Variants in WAC observed in about 807,000 individuals in gnomAD.
WAC encodes the protein WW domain-containing adapter protein with coiled-coil.
Under a neutral mutation model 79.6 loss-of-function variants are expected in WAC, and 11 were observed. The ratio of observed to expected loss-of-function variants is 0.14; its 90% CI spans 0.09 to 0.23. The LOEUF is 0.23. WAC is among the 10% of genes least tolerant of loss of function. The pLI is 1.00. For missense variants in WAC, 728 were observed against 773.5 expected, an observed-to-expected ratio of 0.94 and a Z score of 0.70; for synonymous variants, 304 against 276.9, an observed-to-expected ratio of 1.10 and a Z score of -0.97.
rs141792248 is a variant in WAC, at chr10:28,610,805, T to C, written c.1272T>C (p.Ala424=). The stretch of plus-strand genomic sequence containing the variant: ...TAACGTCTCTGATTTCTCAAGCTGC[T>C]CAGCTCTCTACACAAGGTATTCTTA... ...FNITSLISQA[A]QLSTQAQPSN... is the part of the protein sequence containing the mutation. Residue 424 remains alanine (A), a synonymous_variant, in exon 9 of 14, where the codon GCT becomes GCC. Coordinates refer to ENST00000354911, the MANE Select transcript of WAC (RefSeq NM_016628.5). The C allele has an allele frequency of 3.7e-5, 59 of 1,610,570 alleles. No homozygotes were observed. The highest frequency in any genetic ancestry group is 4.8e-5 in the Non-Finnish European group (57 of 1,179,114).
intron 4 of WAC, 75 bp from the exon 5 acceptor site, chr10:28,589,661 T>G: frequency 1.1e-6 from 1 of 942,074 alleles, no homozygotes. Flanking sequence ...CCTGTATGTG[T>G]GCTTTGATGT....
chr10:28,533,732 C>A, intron 1 of WAC, 112 bp downstream of exon 1: 2 of 1,062,700 alleles, frequency 1.9e-6, no homozygotes, highest in African/African-American at 1.7e-5. Context: ...AACCCTGATC[C>A]GGATCGGGTT....
intron 8 of WAC, 82 bp from the exon 9 acceptor site, chr10:28,610,617 A>C: frequency 7.3e-7 from 1 of 1,378,284 alleles, no homozygotes; most frequent in South Asian, 1.7e-5. Flanking sequence ...GTTTCTTGTG[A>C]GTTCTCTTCC....
intron 7 of WAC, among the ~76,000 whole-genome samples, chr10:28,600,268 AGTC>A (rs151034924): frequency 0.023 from 3,428 of 152,250 alleles, 141 homozygotes; most frequent in African/African-American, 0.077. Flanking sequence ...AGGACAGACT[AGTC>A]GTTTTAATAT....
At chr10:28,615,976 GT>G (rs1411152666) in intron 11 of WAC, 196 bp from the exon 12 acceptor site, 14 of 458,652 alleles carry the variant, frequency 3.1e-5, no homozygotes, top group African/African-American at 5.9e-5. Flanking sequence ...TGTTAAAAGG[GT>G]TTTTTCCCCC....
chr10:28,619,640 G>A lies in WAC; in HGVS notation c.*34G>A. On this transcript the variant is annotated 3_prime_UTR_variant, in exon 14 of 14. Coordinates refer to ENST00000354911, the MANE Select transcript of WAC (RefSeq NM_016628.5). ...ATAATTGCACATGGTTTTGAGAACA[G>A]GAACTGTAAATCTGTTGCCCAATCT... 6.5e-7 allele frequency: 1 copy of A among 1,537,980 alleles called. No individual in the cohort carries two copies. The highest frequency in any genetic ancestry group is 1.2e-5 in the South Asian group (1 of 81,594).
intron 6 of WAC, among the ~76,000 whole-genome samples, chr10:28,594,787 G>A (rs1225010637): frequency 4.6e-5 from 7 of 152,272 alleles, no homozygotes; most frequent in Admixed American, 3.3e-4. Context: ...ATTTTAGGTC[G>A]TTTCTCTCCT....
At chr10:28,535,529 T>C (rs1354402593) in intron 2 of WAC, 33 bp from the exon 3 acceptor site, 2 of 1,527,836 alleles carry the variant, frequency 1.3e-6, no homozygotes, top group South Asian at 2.5e-5. Context: ...TTCAATTCTT[T>C]CTCTCTTTTT....
At chr10:28,542,613 A>G (rs891437943) in intron 3 of WAC, among the ~76,000 whole-genome samples, 1 of 152,212 alleles carries the variant, frequency 6.6e-6, no homozygotes, top group Non-Finnish European at 1.5e-5. Context: ...GAATTACTGT[A>G]AAGTGATGGA....
chr10:28,533,591 T>C lies in WAC; in HGVS notation c.12T>C (p.Tyr4=). 6.3e-7 allele frequency: 1 copy of C among 1,590,726 alleles called. No homozygotes were observed. The highest frequency in any genetic ancestry group is 8.6e-7 in the Non-Finnish European group (1 of 1,168,522). MVM[Y]ARKQQRLSDG... is the part of the protein sequence containing the mutation. ...CAGGCCGGGCATTGATGGTAATGTA[T>C]GCGAGGAAACAGCAGAGACTCAGTG... Residue 4 remains tyrosine (Y), a synonymous_variant, in exon 1 of 14, where the codon TAT becomes TAC. Coordinates refer to ENST00000354911, the MANE Select transcript of WAC (RefSeq NM_016628.5).
chr10:28,534,179 C>A (rs1402581579), intron 2 of WAC, 145 bp downstream of exon 2: 4 of 805,810 alleles, frequency 5.0e-6, no homozygotes, highest in Non-Finnish European at 7.4e-6. Flanking sequence ...CCTTAAAATT[C>A]CAGGTTTGGT....
intron 12 of WAC, among the ~76,000 whole-genome samples, chr10:28,617,345 C>A (rs1344364257): frequency 6.6e-6 from 1 of 152,196 alleles, no homozygotes; most frequent in East Asian, 1.9e-4. Context: ...AAATGACAAT[C>A]TCTTTGGCTG....
intron 7 of WAC, among the ~76,000 whole-genome samples, chr10:28,596,397 A>G (rs576594484): frequency 6.6e-6 from 1 of 151,662 alleles, no homozygotes; most frequent in Non-Finnish European, 1.5e-5. Flanking sequence ...TTTTCTCTTA[A>G]TACTTAATAT....
At chr10:28,604,535 C>T (rs1001531824) in intron 7 of WAC, among the ~76,000 whole-genome samples, 2 of 152,096 alleles carry the variant, frequency 1.3e-5, no homozygotes, top group Non-Finnish European at 2.9e-5. Context: ...AGTTCGAGAC[C>T]AGCTTGGCCA....
intron 3 of WAC, among the ~76,000 whole-genome samples, chr10:28,572,439 A>C (rs1839025282): frequency 6.6e-6 from 1 of 152,052 alleles, no homozygotes; most frequent in Admixed American, 6.5e-5. Flanking sequence ...TGTGACATTT[A>C]AGCTGAGAAA....
At chr10:28,582,891 C>CT (rs561089054) in intron 3 of WAC, among the ~76,000 whole-genome samples, 253 of 152,244 alleles carry the variant, frequency 1.7e-3, no homozygotes, top group African/African-American at 5.8e-3. Context: ...CCCTGAGACT[C>CT]TTTAACTTCT....
chr10:28,618,620 A>T (rs1282520879), intron 13 of WAC, among the ~76,000 whole-genome samples: 1 of 152,230 alleles, frequency 6.6e-6, no homozygotes, highest in African/African-American at 2.4e-5. Flanking sequence ...ATACAGTCAA[A>T]TATCAAGCCA....
rs1418293534 is a variant in WAC at position 28,621,837 on chromosome 10, A to ATAT, written c.*2233_*2235dup. 6.6e-6 allele frequency: 1 copy of ATAT among 152,168 alleles called. No individual in the cohort carries two copies. The highest frequency in any genetic ancestry group is 1.5e-5 in the Non-Finnish European group (1 of 68,028). 9.4% of individuals were successfully genotyped at this position (152,168 alleles called of 1,614,324 possible). On this transcript the variant is annotated 3_prime_UTR_variant, in exon 14 of 14. Transcript: ENST00000354911. ...ACATCCCTAAATGAATTAGTCACAT[A>ATAT]TATTTAGGAGAAGATGCCTAATTTG...
In WAC at chr10:28,533,571, C is replaced by G. The variant is rs374502180; in HGVS notation, c.-9C>G. 3 of 1,563,188 alleles carry G rather than the reference C, an allele frequency of 1.9e-6. No individual in the cohort carries two copies. The highest frequency in any genetic ancestry group is 2.5e-5 in the East Asian group (1 of 39,888). On this transcript the variant is annotated 5_prime_UTR_variant, in exon 1 of 14. Coordinates refer to ENST00000354911, the MANE Select transcript of WAC (RefSeq NM_016628.5). ...CCCTCCCCGACACACACTCACAGGCCGGGCATTGATGGTAATGTATGCGAG... is the reference window on the plus strand; with the variant it reads ...CCCTCCCCGACACACACTCACAGGCGGGGCATTGATGGTAATGTATGCGAG...
Sources: allele counts gnomAD v4.1 joint callset (sites outside exome capture counted in the v4.1 genomes callset), GRCh38; gene constraint gnomAD v4.1.1; transcripts MANE v1.5; gene names NCBI Gene and HGNC (gene_info 2026-07-23, HGNC 2026-07-21).